The following ATRX variants were observed in gnomAD, a reference collection of about 807,000 sequenced individuals.
The protein encoded by ATRX is chromatin remodeler ATRX.
A neutral mutation model predicts 172.6 loss-of-function variants in ATRX; 12 were observed. The ratio of observed to expected loss-of-function variants is 0.07; its 90% confidence interval spans 0.04 to 0.11. ATRX has a LOEUF of 0.11. Ranked by LOEUF, ATRX falls within the 10% of genes least tolerant of loss-of-function variation. The probability of loss-of-function intolerance (pLI) is 1.00; values close to 1 mark genes in which losing one functional copy is unlikely to be tolerated. For synonymous variants in ATRX, 674 were observed against 594.7 expected (o/e 1.13, Z -1.94); for missense variants, 1,368 against 1,767.4 (o/e 0.77, Z 4.05).
intron 13 of ATRX, 145 bp downstream of exon 13, chrX:77,656,415 C>T (rs1557119893): frequency 2.0e-6 from 1 of 488,024 alleles, no homozygotes; most frequent in Non-Finnish European, 3.6e-6. Context: ...TCTTTTTAAA[C>T]TATTAAGTAT....
chrX:77,733,515 C>G (rs2148817913), intron 1 of ATRX, among the ~76,000 whole-genome samples: 1 of 109,982 alleles, frequency 9.1e-6, no homozygotes, highest in East Asian at 2.8e-4. Flanking sequence ...ACGGTGAACT[C>G]ATTTTCTATT....
intron 7 of ATRX, among the ~76,000 whole-genome samples, chrX:77,685,399 AAAG>A (rs1432286414): frequency 8.9e-6 from 1 of 112,596 alleles, no homozygotes; most frequent in African/African-American, 3.2e-5. Context: ...ACATTTCTCC[AAAG>A]AAGACATACA....
At chrX:77,604,291 A>G (rs1013515226) in intron 22 of ATRX, among the ~76,000 whole-genome samples, 2 of 112,407 alleles carry the variant, frequency 1.8e-5, no homozygotes, top group Non-Finnish European at 1.9e-5. Context: ...AACTCAAACA[A>G]CAACACAAAA....
rs2068453278 is a variant in ATRX at position 77,637,744 on chromosome X, C to G, written c.4558-1688G>C. On this transcript the variant is annotated intron_variant, in intron 15 of 34. Transcript: ENST00000373344. ...ATCGCCTGAGGTCAAGAGTTCAAGA[C>G]CAGCCTGGCCAACATGGTGAAACCC... is the stretch of plus-strand genomic sequence containing the variant. 8.2e-5 allele frequency among the ~76,000 whole-genome samples: 9 copies of G among 109,137 alleles called. No homozygotes were observed. In the South Asian group the frequency reaches 2.9e-3, roughly 35 times the overall value. 94.8% of individuals were successfully genotyped at this position (109,137 alleles called of 115,157 possible).
At chrX:77,510,027 T>C (rs1557035805) in intron 34 of ATRX, among the ~76,000 whole-genome samples, 1 of 110,718 alleles carries the variant, frequency 9.0e-6, no homozygotes, top group African/African-American at 3.3e-5. Context: ...AGAGACTCTT[T>C]CCTTTTGCTT....
In ATRX at chrX:77,681,932, T is replaced by A. The variant is rs2148576136; in HGVS notation, c.3324A>T (p.Ser1108=). The A allele has an allele frequency of 8.3e-7, 1 of 1,210,945 alleles. No homozygotes were observed. The highest frequency in any genetic ancestry group is 1.7e-5 in the African/African-American group (1 of 57,751). ...GKSSRKRQDC[S]SSDTEKYSMK... ...TGGAATATTTCTCAGTATCAGATGA[T>A]GAACAATCTTGTCTCTTCCTTGAAC... The change falls in exon 9 of 35, where the codon TCA becomes TCT. Residue 1108 remains serine, a synonymous_variant. Coordinates refer to ENST00000373344, the MANE Select transcript of ATRX (RefSeq NM_000489.6).
intron 1 of ATRX, among the ~76,000 whole-genome samples, chrX:77,742,094 C>T (rs1385146358): frequency 3.6e-5 from 4 of 110,680 alleles, no homozygotes; most frequent in African/African-American, 9.9e-5. Flanking sequence ...GATCATGATA[C>T]ATTATAAATA....
intron 2 of ATRX, among the ~76,000 whole-genome samples, chrX:77,716,110 ATTTTTTTTTTTTTTTTT>A (rs199639051): frequency 1.8e-4 from 10 of 54,391 alleles, no homozygotes; most frequent in East Asian, 6.4e-4. Flanking sequence ...GTCTCTAAAA[ATTTTTTTTTTTTTTTTT>A]TTTTTTTTTT....
intron 34 of ATRX, among the ~76,000 whole-genome samples, chrX:77,513,247 G>A (rs1261961211): frequency 9.6e-6 from 1 of 104,657 alleles, no homozygotes; most frequent in Admixed American, 1.0e-4. Flanking sequence ...AACCCGGGAG[G>A]CGGAGCTTGC....
chrX:77,521,241 A>T, intron 33 of ATRX, 162 bp downstream of exon 33: 1 of 473,316 alleles, frequency 2.1e-6, no homozygotes, highest in Non-Finnish European at 3.7e-6. Flanking sequence ...CATCTATGTA[A>T]AATTGCTGGG....
At chrX:77,766,509 C>T (rs1415851851) in intron 1 of ATRX, among the ~76,000 whole-genome samples, 3 of 105,216 alleles carry the variant, frequency 2.9e-5, no homozygotes, top group Non-Finnish European at 5.8e-5. Flanking sequence ...TCAGACGGGG[C>T]GGCCAGGCAG....
intron 9 of ATRX, among the ~76,000 whole-genome samples, chrX:77,677,490 A>C (rs2070943327): frequency 9.0e-6 from 1 of 111,540 alleles, no homozygotes; most frequent in African/African-American, 3.3e-5. Flanking sequence ...TGATTATACA[A>C]AGATACACAC....
In ATRX at chrX:77,507,592, C is replaced by T. The variant is rs1557034116; in HGVS notation, c.*759G>A. 1.7e-5 allele frequency: 3 copies of T among 173,378 alleles called. No individual in the cohort carries two copies. Among genetic ancestry groups the T allele is most frequent in the African/African-American group, 8.9e-5 (3 of 33,767 alleles). 14.3% of individuals were successfully genotyped at this position (173,378 alleles called of 1,213,427 possible). ...CATGTGTGGAAGATAATCCACAACC[C>T]TGAAATTTTACCAGTAATTATTTCA... On this transcript the variant is annotated 3_prime_UTR_variant, in exon 35 of 35. Coordinates refer to ENST00000373344, the MANE Select transcript of ATRX (RefSeq NM_000489.6).
chrX:77,557,956 A>C (rs2064861131), intron 29 of ATRX, among the ~76,000 whole-genome samples: 1 of 111,714 alleles, frequency 9.0e-6, no homozygotes, highest in African/African-American at 3.2e-5. Context: ...TACCAGAGTA[A>C]ACAGAAATAA....
chrX:77,716,109 AATTTTTTTTTTTTT>A (rs1231014966), intron 2 of ATRX, among the ~76,000 whole-genome samples: 27 of 67,932 alleles, frequency 4.0e-4, no homozygotes, highest in African/African-American at 1.7e-3. Flanking sequence ...TGTCTCTAAA[AATTTTTTTTTTTTT>A]TTTTTTTTTT....
chrX:77,657,246 A>G (rs1201627139), intron 12 of ATRX, among the ~76,000 whole-genome samples: 1 of 111,782 alleles, frequency 8.9e-6, no homozygotes, highest in African/African-American at 3.3e-5. Context: ...GGTACTGACA[A>G]CAAGACTGTG....
intron 1 of ATRX, among the ~76,000 whole-genome samples, chrX:77,724,104 C>T (rs1429115886): frequency 9.1e-6 from 1 of 110,356 alleles, no homozygotes; most frequent in Admixed American, 9.7e-5. Context: ...CATGGTGAAA[C>T]CCCGTCTCCC....
intron 10 of ATRX, among the ~76,000 whole-genome samples, chrX:77,669,144 T>C (rs888309621): frequency 9.0e-6 from 1 of 111,313 alleles, no homozygotes; most frequent in Non-Finnish European, 1.9e-5. Context: ...GGCTTAGATA[T>C]AGGAAATGAC....
chrX:77,658,495 A>G, intron 12 of ATRX, among the ~76,000 whole-genome samples: 1 of 112,231 alleles, frequency 8.9e-6, no homozygotes, highest in African/African-American at 3.2e-5. Flanking sequence ...TAGAGCAGAA[A>G]GAAAACATTA....
Sources: gnomAD v4.1 joint callset for allele counts (sites outside exome capture counted in the v4.1 genomes callset) on GRCh38, gnomAD v4.1.1 for gene constraint, MANE v1.5 for transcripts, NCBI Gene and HGNC (gene_info 2026-07-23, HGNC 2026-07-21) for gene names.